The following MPDZ variants were observed in gnomAD, a reference collection of about 807,000 sequenced individuals.
MPDZ encodes the protein multiple PDZ domain protein.
MPDZ carries 234 observed loss-of-function variants against 239.1 expected under a neutral mutation model. That is an observed-to-expected ratio of 0.98 (90% CI 0.88 to 1.09). The LOEUF (loss-of-function observed/expected upper bound fraction) is 1.09. MPDZ is among the 50% of genes least tolerant of loss of function. The pLI is 0.00. For synonymous variants in MPDZ, 1,048 were observed against 881.3 expected (o/e 1.19, Z -3.35); for missense variants, 3,175 against 2,510.0 (o/e 1.26, Z -5.66).
intron 12 of MPDZ, among the ~76,000 whole-genome samples, chr9:13,200,099 CTT>C (rs1956200884): frequency 6.6e-6 from 1 of 151,696 alleles, no homozygotes; most frequent in African/African-American, 2.4e-5. Context: ...TAATTAGAGA[CTT>C]TTTATTACCA....
chr9:13,150,427 A>G, intron 25 of MPDZ, 84 bp downstream of exon 25: 1 of 1,113,478 alleles, frequency 9.0e-7, no homozygotes, highest in Non-Finnish European at 1.2e-6. Flanking sequence ...CCTAAAACTT[A>G]AAGTATAATA....
intron 21 of MPDZ, among the ~76,000 whole-genome samples, chr9:13,173,789 T>C (rs1009528955): frequency 6.6e-6 from 1 of 151,946 alleles, no homozygotes; most frequent in Non-Finnish European, 1.5e-5. Flanking sequence ...TACAAGAGCC[T>C]CCTAACTGCT....
At chr9:13,192,683 T>C (rs1955100772) in intron 14 of MPDZ, among the ~76,000 whole-genome samples, 1 of 152,112 alleles carries the variant, frequency 6.6e-6, no homozygotes, top group African/African-American at 2.4e-5. Context: ...TGTATGCTAG[T>C]GTACTTTAAA....
intron 1 of MPDZ, among the ~76,000 whole-genome samples, chr9:13,256,920 A>G (rs948814896): frequency 3.3e-5 from 5 of 152,180 alleles, no homozygotes; most frequent in African/African-American, 1.2e-4. Flanking sequence ...GCAAAGCACA[A>G]TAAGACAAAA....
chr9:13,146,618 C>T (rs903761276), intron 26 of MPDZ, among the ~76,000 whole-genome samples: 4 of 151,676 alleles, frequency 2.6e-5, no homozygotes, highest in Admixed American at 2.0e-4. Flanking sequence ...AACTTAAATC[C>T]AAAAAAGGAG....
intron 10 of MPDZ, among the ~76,000 whole-genome samples, chr9:13,208,613 AT>A (rs1957259398): frequency 2.0e-5 from 3 of 150,836 alleles, no homozygotes; most frequent in Admixed American, 2.0e-4. Context: ...TATATATGTA[AT>A]TATGTATATG....
intron 32 of MPDZ, 128 bp downstream of exon 32, chr9:13,133,696 A>T (rs1704799191): frequency 3.5e-6 from 2 of 576,304 alleles, no homozygotes; most frequent in African/African-American, 3.8e-5. Context: ...AAGTATTTGC[A>T]GTTCTAACAA....
At chr9:13,205,254 A>G in intron 11 of MPDZ, 147 bp from the exon 12 acceptor site, 1 of 450,888 alleles carries the variant, frequency 2.2e-6, no homozygotes, top group Non-Finnish European at 3.8e-6. Context: ...ACTTAAAGGC[A>G]AGTTCTGTTA....
At chr9:13,266,905 C>A (rs1219732543) in intron 1 of MPDZ, among the ~76,000 whole-genome samples, 1 of 152,130 alleles carries the variant, frequency 6.6e-6, no homozygotes, top group African/African-American at 2.4e-5. Flanking sequence ...GGATGTCTAC[C>A]CTGACTAGAG....
intron 26 of MPDZ, among the ~76,000 whole-genome samples, chr9:13,143,912 A>G (rs997399876): frequency 6.6e-6 from 1 of 152,096 alleles, no homozygotes; most frequent in African/African-American, 2.4e-5. Context: ...ATACCAGTAA[A>G]CATGTTCAAA....
intron 46 of MPDZ, among the ~76,000 whole-genome samples, chr9:13,107,316 C>G (rs1322099587): frequency 6.6e-6 from 1 of 152,104 alleles, no homozygotes; most frequent in East Asian, 1.9e-4. Flanking sequence ...CATTGAGATA[C>G]CAATTTGAGA....
chr9:13,277,018 A>T (rs960037207), intron 1 of MPDZ, among the ~76,000 whole-genome samples: 1 of 152,226 alleles, frequency 6.6e-6, no homozygotes, highest in African/African-American at 2.4e-5. Context: ...AAGGATTTCC[A>T]AGAGTCTCTC....
chr9:13,143,641 A>G lies in MPDZ; in HGVS notation c.3742-77T>C, dbSNP rs993795224. The G allele has an allele frequency of 6.2e-6, 7 of 1,122,490 alleles. No individual in the cohort carries two copies. In the African/African-American group the frequency reaches 9.2e-5, roughly 15 times the overall value. The allele number at this position is 1,122,490 out of a possible 1,614,324, so 69.5% of individuals were successfully genotyped here. A position where few individuals can be genotyped will look rare whatever the true frequency, so the allele number is the denominator to read the frequency against. ...ACTCAGTTTTAAAAGCAAAGTACATACCGATTTAAAGAACTGCCTGTGTGA... is the reference window on the plus strand; with the variant it reads ...ACTCAGTTTTAAAAGCAAAGTACATGCCGATTTAAAGAACTGCCTGTGTGA... On this transcript the variant is annotated intron_variant, in intron 26 of 46. Transcript: ENST00000319217.
intron 12 of MPDZ, among the ~76,000 whole-genome samples, chr9:13,203,428 C>T (rs1427552879): frequency 6.6e-6 from 1 of 152,086 alleles, no homozygotes; most frequent in Non-Finnish European, 1.5e-5. Flanking sequence ...ATTCAACCAA[C>T]CTTTAGCAGA....
chr9:13,273,089 A>G (rs559818220), intron 1 of MPDZ, among the ~76,000 whole-genome samples: 26 of 152,232 alleles, frequency 1.7e-4, no homozygotes, highest in African/African-American at 6.3e-4. Context: ...AGACACAGCA[A>G]CACGGCATCA....
chr9:13,249,008 A>AAAAAAAACAAAAC (rs1279043046), intron 2 of MPDZ, among the ~76,000 whole-genome samples: 1 of 125,256 alleles, frequency 8.0e-6, no homozygotes, highest in Non-Finnish European at 1.7e-5. Flanking sequence ...AAAAAAAAAA[A>AAAAAAAACAAAAC]ATTGGAATCA....
In MPDZ at chr9:13,113,070, A is replaced by G. The variant is rs758152595; in HGVS notation, c.5558-16T>C. On this transcript the variant is annotated splice_polypyrimidine_tract_variant and intron_variant, in intron 41 of 46. Transcript: ENST00000319217. ...TCAGATGCCACTGTAAAGGCAAAAAAGATAAAATAGGGTTATTTTATGTTC... is the reference window on the plus strand; with the variant it reads ...TCAGATGCCACTGTAAAGGCAAAAAGGATAAAATAGGGTTATTTTATGTTC... 3.2e-6 allele frequency: 5 copies of G among 1,558,186 alleles called. 1 individual carries two copies. The South Asian group carries it at 3.6e-5, about 11-fold the overall frequency.
chr9:13,172,328 T>C (rs1951877824), intron 21 of MPDZ, among the ~76,000 whole-genome samples: 1 of 152,006 alleles, frequency 6.6e-6, no homozygotes, highest in Non-Finnish European at 1.5e-5. Flanking sequence ...TATATTACAG[T>C]GTGAATGGTA....
intron 1 of MPDZ, among the ~76,000 whole-genome samples, chr9:13,265,669 G>C (rs1267216210): frequency 6.6e-6 from 1 of 152,196 alleles, no homozygotes; most frequent in African/African-American, 2.4e-5. Context: ...CCTACCAACT[G>C]CTGTCGGAGG....
Sources: allele counts gnomAD v4.1 joint callset (sites outside exome capture counted in the v4.1 genomes callset), GRCh38; gene constraint gnomAD v4.1.1; transcripts MANE v1.5; gene names NCBI Gene and HGNC (gene_info 2026-07-23, HGNC 2026-07-21).